Variants in VWDE observed in about 807,000 individuals in gnomAD.
The protein encoded by VWDE is von Willebrand factor D and EGF domain-containing protein.
In VWDE, 207 loss-of-function variants were observed where a neutral mutation model predicts 178.4. The ratio of observed to expected loss-of-function variants is 1.16; its 90% confidence interval spans 1.04 to 1.30. The LOEUF (loss-of-function observed/expected upper bound fraction) is 1.30. Among genes scored for constraint, VWDE ranks in the 50% most tolerant of loss-of-function variants. The pLI, the probability that VWDE is intolerant of heterozygous loss-of-function variation, is 0.00. For synonymous variants in VWDE, 738 were observed against 651.4 expected (o/e 1.13, Z -2.02); for missense variants, 2,287 against 1,901.3 (o/e 1.20, Z -3.77).
rs75519195 is a variant in VWDE, at chr7:12,393,146, A to G, written c.243+448T>C. On this transcript the variant is annotated intron_variant, in intron 2 of 28. Coordinates refer to ENST00000275358, the MANE Select transcript of VWDE (RefSeq NM_001135924.3). ...TCCATCAGTTAAGAAATGAAGTGAC[A>G]GGTAACAACTGACAAAAACAAGCAC... Among the ~76,000 whole-genome samples the G allele has an allele frequency of 3.3e-4, 50 of 152,328 alleles. 2 individuals carry two copies. The East Asian group carries it at 9.7e-3, about 29-fold the overall frequency.
At chr7:12,358,239 T>G (rs1162092048) in intron 16 of VWDE, among the ~76,000 whole-genome samples, 2 of 151,940 alleles carry the variant, frequency 1.3e-5, no homozygotes, top group African/African-American at 4.8e-5. Context: ...GCAGGCATGG[T>G]GGTGGGTACC....
rs778434730 is a variant in VWDE, at chr7:12,369,513, T to C, written c.2761+32A>G. The C allele has an allele frequency of 2.2e-5, 32 of 1,482,154 alleles. No individual in the cohort carries two copies. In the African/African-American group the frequency reaches 2.3e-4, roughly 10 times the overall value. 91.8% of individuals were successfully genotyped at this position (1,482,154 alleles called of 1,614,324 possible). ...CACATTTTTATAATGAAATATCACA[T>C]GCAATATCAAACTTTGAGAGTACTT... is the stretch of plus-strand genomic sequence containing the variant. On this transcript the variant is annotated intron_variant, in intron 12 of 28. Transcript: ENST00000275358.
chr7:12,387,643 TA>T (rs1185824502), intron 3 of VWDE, among the ~76,000 whole-genome samples: 5 of 152,156 alleles, frequency 3.3e-5, no homozygotes, highest in Admixed American at 6.5e-5. Flanking sequence ...TTAACTACTA[TA>T]ATAACCAACT....
chr7:12,391,753 T>G (rs1784400865), intron 2 of VWDE, among the ~76,000 whole-genome samples: 1 of 152,204 alleles, frequency 6.6e-6, no homozygotes, highest in Non-Finnish European at 1.5e-5. Flanking sequence ...CTTTTTACAT[T>G]AGTGCTTAAA....
chr7:12,356,677 G>A (rs1782269277), intron 17 of VWDE, among the ~76,000 whole-genome samples: 1 of 152,142 alleles, frequency 6.6e-6, no homozygotes, highest in Admixed American at 6.5e-5. Context: ...AATCTAGAGA[G>A]CAAATGATCT....
chr7:12,368,619 C>A (rs73300507), intron 12 of VWDE, among the ~76,000 whole-genome samples: 1 of 152,068 alleles, frequency 6.6e-6, no homozygotes, highest in Non-Finnish European at 1.5e-5. Flanking sequence ...GGGTCTTCTA[C>A]GCCATGGTAG....
chr7:12,354,217 G>A (rs777321636), intron 18 of VWDE: 4 of 285,898 alleles, frequency 1.4e-5, no homozygotes, highest in Non-Finnish European at 2.7e-5. Flanking sequence ...TGCATCCTTT[G>A]TATCTAGTTC....
chr7:12,360,845 T>C (rs6973155), intron 15 of VWDE, among the ~76,000 whole-genome samples: 2,778 of 152,294 alleles, frequency 0.018, 72 homozygotes, highest in African/African-American at 0.063. Flanking sequence ...AGATCTCTTA[T>C]TGGAAAGTCA....
In VWDE at chr7:12,346,970, A is replaced by G. The variant is rs145067193; in HGVS notation, c.3887-2501T>C. Among the ~76,000 whole-genome samples the G allele has an allele frequency of 2.7e-4, 41 of 152,332 alleles. No homozygotes were observed. In the East Asian group the frequency reaches 7.9e-3, roughly 29 times the overall value. On this transcript the variant is annotated intron_variant, in intron 19 of 28. Coordinates refer to ENST00000275358, the MANE Select transcript of VWDE (RefSeq NM_001135924.3). ...CATAGTTGGCAACAAGTGCAATGAA[A>G]GATTTTTGAAAAATGTGAGGACTTC...
At chr7:12,385,013 A>G (rs1784029685) in intron 3 of VWDE, among the ~76,000 whole-genome samples, 1 of 152,172 alleles carries the variant, frequency 6.6e-6, no homozygotes, top group African/African-American at 2.4e-5. Flanking sequence ...CAAAAAATAT[A>G]ACACATATTC....
At chr7:12,380,448 C>T in intron 5 of VWDE, 38 bp downstream of exon 5, 2 of 1,532,848 alleles carry the variant, frequency 1.3e-6, no homozygotes, top group South Asian at 1.2e-5. Context: ...AAAATCAATA[C>T]ATTCATGAAA....
rs1583260344 is a variant in VWDE at position 12,331,077 on chromosome 7, T to A, written c.*106A>T. 5.7e-6 allele frequency: 2 copies of A among 347,966 alleles called. No individual in the cohort carries two copies. Among genetic ancestry groups the A allele is most frequent in the Non-Finnish European group, 9.4e-6 (2 of 212,048 alleles). The allele number at this position is 347,966 out of a possible 1,614,324, so 21.6% of individuals were successfully genotyped here. ...ATTAGTTTCTTCAGTCTTTAAGATA[T>A]TTTTTGAATGATGTTCAAATAAACT... On this transcript the variant is annotated 3_prime_UTR_variant, in exon 29 of 29. Transcript: ENST00000275358.
chr7:12,386,360 G>T lies in VWDE; in HGVS notation c.476-2759C>A, dbSNP rs145024954. ...GCTGCCCTTTCTTAGTAAACAGACT[G>T]CCAGTTTTAGCTGGACAGCAGCTGT... On this transcript the variant is annotated intron_variant, in intron 3 of 28. Transcript: ENST00000275358. 7.1e-3 allele frequency among the ~76,000 whole-genome samples: 1,086 copies of T among 152,258 alleles called. 13 individuals are homozygous for T. Among genetic ancestry groups the T allele is most frequent in the African/African-American group, 0.024 (1,001 of 41,536 alleles).
Position 12,351,626 on chromosome 7 carries a change from T to A in VWDE, c.3833A>T (p.Lys1278Ile). 1 of 1,549,090 alleles carries A rather than the reference T, an allele frequency of 6.5e-7. No homozygotes were observed. ...DKSVNKEEDD[K>I]NAQGRKRHVK... ...ATGCCTCTTTCTCCCTTGGGCATTT[T>A]TATCATCCTCTTCTTTATTTACACT... The change falls in exon 19 of 29, where the codon AAA (lysine) becomes ATA (isoleucine). Residue 1278 changes from lysine (K) to isoleucine (I), a missense_variant. Physicochemically the swap from Lys to Ile is moderately radical, Grantham distance 102. Transcript: ENST00000275358.
At chr7:12,365,105 G>A (rs376360270) in intron 13 of VWDE, among the ~76,000 whole-genome samples, 4 of 151,994 alleles carry the variant, frequency 2.6e-5, no homozygotes, top group African/African-American at 9.7e-5. Context: ...GTGTGCAAAA[G>A]ATAAAGAAAG....
chr7:12,357,461 C>T lies in VWDE; in HGVS notation c.3329G>A (p.Gly1110Asp), dbSNP rs1380535637. The T allele has an allele frequency of 1.5e-5, 24 of 1,552,048 alleles. No homozygotes were observed. In the East Asian group the frequency reaches 4.9e-4, roughly 32 times the overall value. Residue 1110 changes from glycine (G) to aspartate (D), a missense_variant, in exon 17 of 29, where the codon GGT becomes GAT. Transcript: ENST00000275358. ...ALQDKLQTFY[G>D]ENFEYQFVAF... ...CACGAACTGATACTCAAAGTTTTCACCATAAAATGTCTGTAATTTGTCTTG... is the reference window on the plus strand; with the variant it reads ...CACGAACTGATACTCAAAGTTTTCATCATAAAATGTCTGTAATTTGTCTTG...
At position 12,367,376 on chromosome 7, in the gene VWDE, C is replaced by T; in HGVS notation, c.2879G>A (p.Cys960Tyr). 1.9e-6 allele frequency: 3 copies of T among 1,545,252 alleles called. No homozygotes were observed. The highest frequency in any genetic ancestry group is 2.0e-5 in the Admixed American group (1 of 50,138). Residue 960 changes from cysteine (C) to tyrosine (Y), a missense_variant, in exon 13 of 29, where the codon TGT becomes TAT. Cys to Tyr is a radical substitution (Grantham distance 194, BLOSUM62 -2). Transcript: ENST00000275358. Reference protein sequence around the residue: ...KGFKELPSIKCEVTKLQYNSS... With the variant: ...KGFKELPSIKYEVTKLQYNSS... ...ACATACCTGTAGCTTAGTAACTTCA[C>T]ATTTAATTGAAGGTAATTCTTTGAA... is the stretch of plus-strand genomic sequence containing the variant.
At chr7:12,331,230 G>A (rs1245900200) in intron 28 of VWDE, 33 bp from the exon 29 acceptor site, 12 of 1,529,436 alleles carry the variant, frequency 7.8e-6, no homozygotes, top group Admixed American at 2.0e-5. Flanking sequence ...GTGTTTCAAT[G>A]AATAGTATAA....
At chr7:12,364,403 G>A (rs1306214292) in intron 13 of VWDE, among the ~76,000 whole-genome samples, 1 of 152,094 alleles carries the variant, frequency 6.6e-6, no homozygotes, top group Non-Finnish European at 1.5e-5. Context: ...GGAAAAATAT[G>A]AGTCTGGAAT....
Sources: gnomAD v4.1 joint callset for allele counts (sites outside exome capture counted in the v4.1 genomes callset) on GRCh38, gnomAD v4.1.1 for gene constraint, MANE v1.5 for transcripts, NCBI Gene and HGNC (gene_info 2026-07-23, HGNC 2026-07-21) for gene names.